The following ANO4 variants were observed in gnomAD, a reference collection of about 807,000 sequenced individuals.
ANO4 encodes the protein anoctamin 4, also known as anoctamin-4.
A neutral mutation model predicts 141.9 loss-of-function variants in ANO4; 69 were observed. The ratio of observed to expected loss-of-function variants is 0.49; its 90% CI spans 0.40 to 0.59. ANO4 has a LOEUF of 0.59. Among genes scored for constraint, ANO4 ranks in the 20% least tolerant of loss-of-function variants. The probability of loss-of-function intolerance (pLI) is 0.00; values close to 1 mark genes in which losing one functional copy is unlikely to be tolerated. For missense variants in ANO4, 894 were observed against 1,162.2 expected (o/e 0.77, Z 3.36); for synonymous variants, 350 against 394.3 (o/e 0.89, Z 1.33).
chr12:100,986,847 T>G (rs911515980), intron 7 of ANO4, among the ~76,000 whole-genome samples: 1 of 152,168 alleles, frequency 6.6e-6, no homozygotes, highest in African/African-American at 2.4e-5. Flanking sequence ...ACCAGGGAGA[T>G]AGCCAGAGAG....
chr12:101,076,226 C>T (rs953881371), intron 14 of ANO4, among the ~76,000 whole-genome samples: 1 of 152,086 alleles, frequency 6.6e-6, no homozygotes, highest in Non-Finnish European at 1.5e-5. Flanking sequence ...GGCATGAGAG[C>T]AAAGCCATCA....
chr12:100,849,055 A>C (rs933698089), intron 1 of ANO4, among the ~76,000 whole-genome samples: 3 of 152,236 alleles, frequency 2.0e-5, no homozygotes, highest in African/African-American at 7.2e-5. Context: ...ACGTGTTAGC[A>C]TGTGGAGAGC....
At chr12:100,764,401 AGAAAACTCAAGATTTTGC>A (rs1306797391) in intron 3 of ANO4, among the ~76,000 whole-genome samples, 1 of 152,214 alleles carries the variant, frequency 6.6e-6, no homozygotes, top group Non-Finnish European at 1.5e-5. Flanking sequence ...CAGAGTTCTA[AGAAAACTCAAGATTTTGC>A]TAAATGTTTA....
chr12:101,007,568 G>A (rs1039614505), intron 8 of ANO4, among the ~76,000 whole-genome samples: 2 of 152,224 alleles, frequency 1.3e-5, no homozygotes, highest in African/African-American at 4.8e-5. Context: ...GTTAGTGCTT[G>A]GCAGAACCAA....
At chr12:101,012,533 T>G (rs911381844) in intron 8 of ANO4, among the ~76,000 whole-genome samples, 9 of 152,152 alleles carry the variant, frequency 5.9e-5, no homozygotes, top group African/African-American at 2.2e-4. Flanking sequence ...AGTCTGGGTT[T>G]GTTTGTTCAG....
At chr12:101,072,346 A>T (rs1299010831) in intron 14 of ANO4, among the ~76,000 whole-genome samples, 2 of 152,206 alleles carry the variant, frequency 1.3e-5, no homozygotes, top group Admixed American at 1.3e-4. Context: ...TTGTGGACAC[A>T]TCTGAGATAA....
intron 7 of ANO4, among the ~76,000 whole-genome samples, chr12:100,980,791 G>A (rs2044424867): frequency 6.6e-6 from 1 of 152,058 alleles, no homozygotes; most frequent in African/African-American, 2.4e-5. Flanking sequence ...CATGTACTTG[G>A]TCTATTAAAT....
chr12:100,789,400 A>G (rs1177210940), intron 3 of ANO4, among the ~76,000 whole-genome samples: 1 of 152,200 alleles, frequency 6.6e-6, no homozygotes, highest in African/African-American at 2.4e-5. Flanking sequence ...TGGAATACCT[A>G]TCTTAACAAA....
chr12:100,950,253 A>G lies in ANO4; in HGVS notation c.456+7718A>G, dbSNP rs368386156. On this transcript the variant is annotated intron_variant, in intron 5 of 27. Coordinates refer to ENST00000392977, the MANE Select transcript of ANO4 (RefSeq NM_001286615.2). ...GAAAAAAAAAGAAAAAGAAAATCAGACTTTTCTCCACCCAATAATCTCCAC... is the reference window on the plus strand; with the variant it reads ...GAAAAAAAAAGAAAAAGAAAATCAGGCTTTTCTCCACCCAATAATCTCCAC... Among the ~76,000 whole-genome samples, 11 of 152,266 alleles carry G rather than the reference A, an allele frequency of 7.2e-5. No individual in the cohort carries two copies. The South Asian group carries it at 1.0e-3, about 14-fold the overall frequency.
chr12:100,895,217 T>C (rs1015891717), intron 1 of ANO4, among the ~76,000 whole-genome samples: 4 of 152,002 alleles, frequency 2.6e-5, no homozygotes, highest in Non-Finnish European at 5.9e-5. Context: ...AAAACATAGT[T>C]TTTCAGTGTT....
chr12:101,023,314 T>C (rs1307989382), intron 9 of ANO4, among the ~76,000 whole-genome samples: 2 of 152,232 alleles, frequency 1.3e-5, no homozygotes, highest in Non-Finnish European at 2.9e-5. Flanking sequence ...AAAGGGTCTT[T>C]ATAAAAGTTT....
At chr12:100,764,459 T>C (rs77096816) in intron 3 of ANO4, among the ~76,000 whole-genome samples, 61 of 152,338 alleles carry the variant, frequency 4.0e-4, no homozygotes, top group East Asian at 2.1e-3. Context: ...TTTTTATAAG[T>C]AAATAAAGCA....
At chr12:101,037,074 T>C (rs1189604803) in intron 9 of ANO4, 21 bp from the exon 10 acceptor site, 1 of 1,612,130 alleles carries the variant, frequency 6.2e-7, no homozygotes. Context: ...TTAATTCAAA[T>C]GGACTTATTT....
chr12:100,799,708 T>C (rs191955010), intron 1 of ANO4, among the ~76,000 whole-genome samples: 133 of 152,150 alleles, frequency 8.7e-4, no homozygotes, highest in Non-Finnish European at 1.6e-3. Flanking sequence ...GCCATTGCAC[T>C]CCAGCCTGGC....
intron 1 of ANO4, among the ~76,000 whole-genome samples, chr12:100,815,753 ATGTGTG>A (rs71691565): frequency 0.19 from 28,396 of 150,470 alleles, 3,106 homozygotes; most frequent in African/African-American, 0.31. Context: ...TTACATATAT[ATGTGTG>A]TGTGTGTGTG....
At chr12:101,080,869 T>TATATATATATTATAC in intron 15 of ANO4, among the ~76,000 whole-genome samples, 1 of 68,094 alleles carries the variant, frequency 1.5e-5, no homozygotes, top group Non-Finnish European at 3.1e-5. Flanking sequence ...GTTCTAGATA[T>TATATATATATTATAC]ATATATATAT....
intron 1 of ANO4, among the ~76,000 whole-genome samples, chr12:100,884,706 G>GT (rs1438673023): frequency 1.3e-5 from 2 of 152,214 alleles, no homozygotes; most frequent in African/African-American, 4.8e-5. Context: ...TATGGCCTTT[G>GT]TTTTTTGGGA....
In ANO4 at chr12:100,781,268, T is replaced by C. The variant is rs548402982; in HGVS notation, c.358+41163T>C. On this transcript the variant is annotated intron_variant, in intron 3 of 29. Transcript: ENST00000644049. ...AAGAAAGATTTTATTTATAACAGTATTGGAGCGCTCCCTGGCTCAGTAGAC... is the reference window on the plus strand; with the variant it reads ...AAGAAAGATTTTATTTATAACAGTACTGGAGCGCTCCCTGGCTCAGTAGAC... Among the ~76,000 whole-genome samples, 12 of 152,330 alleles carry C rather than the reference T, an allele frequency of 7.9e-5. No individual in the cohort carries two copies. The South Asian group carries it at 2.5e-3, about 32-fold the overall frequency.
At chr12:101,099,923 T>C (rs1445485035) in intron 22 of ANO4, among the ~76,000 whole-genome samples, 1 of 152,206 alleles carries the variant, frequency 6.6e-6, no homozygotes, top group Non-Finnish European at 1.5e-5. Context: ...CGAAGCTATT[T>C]CTCTTAGCAC....
Sources: gnomAD v4.1 joint callset for allele counts (sites outside exome capture counted in the v4.1 genomes callset) on GRCh38, gnomAD v4.1.1 for gene constraint, MANE v1.5 for transcripts, NCBI Gene and HGNC (gene_info 2026-07-23, HGNC 2026-07-21) for gene names.